Variants in LARGE1 observed in about 807,000 individuals in gnomAD.
The protein encoded by LARGE1 is LARGE xylosyl- and glucuronyltransferase 1.
Under a neutral mutation model 87.6 loss-of-function variants are expected in LARGE1, and 43 were observed. The ratio of observed to expected loss-of-function variants is 0.49; its 90% CI spans 0.38 to 0.63. The LOEUF is 0.63. Among genes scored for constraint, LARGE1 ranks in the 30% least tolerant of loss-of-function variants. The pLI is 0.00. For synonymous variants in LARGE1, 434 were observed against 394.6 expected (o/e 1.10, Z -1.18); for missense variants, 802 against 1,000.2 (o/e 0.80, Z 2.67).
intron 1 of LARGE1, among the ~76,000 whole-genome samples, chr22:33,911,671 G>T (rs1267533947): frequency 6.6e-6 from 1 of 152,170 alleles, no homozygotes; most frequent in African/African-American, 2.4e-5. Context: ...TTTACAGCAT[G>T]TCCATTCTTC....
At position 33,273,152 on chromosome 22, in the gene LARGE1, C is replaced by T. The variant is rs1361207415; in HGVS notation, c.*1275G>A. The T allele has an allele frequency of 5.7e-6, 2 of 353,718 alleles. No individual in the cohort carries two copies. Among genetic ancestry groups the T allele is most frequent in the Non-Finnish European group, 1.0e-5 (2 of 198,484 alleles). The allele number at this position is 353,718 out of a possible 1,614,324, so 21.9% of individuals were successfully genotyped here. A position where few individuals can be genotyped will look rare whatever the true frequency, so the allele number is the denominator to read the frequency against. On this transcript the variant is annotated 3_prime_UTR_variant, in exon 15 of 15. Transcript: ENST00000397394. ...CACATTGCAACTCAATACAAACAGC[C>T]CAGCAGAGGGTAGGGCATTAACTCT...
intron 6 of LARGE1, among the ~76,000 whole-genome samples, chr22:33,445,031 TGTCA>T (rs1232461001): frequency 6.6e-6 from 1 of 152,146 alleles, no homozygotes; most frequent in Non-Finnish European, 1.5e-5. Context: ...GGTTTCGCCA[TGTCA>T]GTCAGGCTGG....
At chr22:33,183,620 GCACACA>G (rs56262703) in intron 11 of LARGE1, among the ~76,000 whole-genome samples, 53 of 137,896 alleles carry the variant, frequency 3.8e-4, no homozygotes, top group Middle Eastern at 3.9e-3. Flanking sequence ...ACACACACAC[GCACACA>G]CACACACACA....
chr22:33,298,225 C>T lies in LARGE1; in HGVS notation c.1730+6004G>A, dbSNP rs1486188954. ...CTCAGCCTCGTATCTGTGTGAATCC[C>T]GATGCTAGCAATGGCACATACAGCT... On this transcript the variant is annotated intron_variant, in intron 12 of 14. Coordinates refer to ENST00000397394, the MANE Select transcript of LARGE1 (RefSeq NM_133642.5). 2.6e-5 allele frequency among the ~76,000 whole-genome samples: 4 copies of T among 152,102 alleles called. 1 individual carries two copies. Among genetic ancestry groups the T allele is most frequent in the African/African-American group, 7.2e-5 (3 of 41,388 alleles).
intron 9 of LARGE1, among the ~76,000 whole-genome samples, chr22:33,363,742 C>T (rs1433209671): frequency 6.7e-6 from 1 of 150,218 alleles, no homozygotes; most frequent in East Asian, 1.9e-4. Context: ...GTCAGCACCA[C>T]TGCTTTTGCA....
chr22:33,503,259 G>GGT (rs2070580978), intron 6 of LARGE1, among the ~76,000 whole-genome samples: 1 of 124,782 alleles, frequency 8.0e-6, no homozygotes, highest in African/African-American at 3.1e-5. Flanking sequence ...TTTTTTTTTT[G>GGT]TTTTTTTTTT....
In LARGE1 at chr22:33,373,523, C is replaced by T. The variant is rs570021899; in HGVS notation, c.1131+8396G>A. ...CTCAGAAGTTCAACTTTTGCTATAT[C>T]TTGCTGCATGTGATTTTCAGGTCAT... On this transcript the variant is annotated intron_variant, in intron 9 of 14. Coordinates refer to ENST00000397394, the MANE Select transcript of LARGE1 (RefSeq NM_133642.5). 6.6e-5 allele frequency among the ~76,000 whole-genome samples: 10 copies of T among 152,264 alleles called. No homozygotes were observed. In the South Asian group the frequency reaches 1.9e-3, roughly 28 times the overall value.
chr22:33,099,886 C>T, the LARGE1 span, among the ~76,000 whole-genome samples: 34 of 152,166 alleles, frequency 2.2e-4, no homozygotes, highest in Admixed American at 2.2e-3. Flanking sequence ...GACACAAAAT[C>T]CTCCACTGCA....
chr22:33,736,725 A>G (rs2083668662), intron 2 of LARGE1, among the ~76,000 whole-genome samples: 1 of 152,102 alleles, frequency 6.6e-6, no homozygotes, highest in Admixed American at 6.5e-5. Context: ...AGTCACAAAG[A>G]TTTACTCTTA....
intron 1 of LARGE1, among the ~76,000 whole-genome samples, chr22:33,799,202 C>T (rs1190417473): frequency 6.6e-6 from 1 of 152,038 alleles, no homozygotes; most frequent in Non-Finnish European, 1.5e-5. Flanking sequence ...GCCAAAGAAA[C>T]ACCTGCAATC....
chr22:33,571,132 G>A (rs553597354), intron 5 of LARGE1, among the ~76,000 whole-genome samples: 4 of 152,288 alleles, frequency 2.6e-5, no homozygotes, highest in African/African-American at 7.2e-5. Context: ...TAAGCAGCAT[G>A]GTCTAAACTT....
chr22:33,555,805 C>G (rs1444683903), intron 6 of LARGE1, among the ~76,000 whole-genome samples: 1 of 151,754 alleles, frequency 6.6e-6, no homozygotes, highest in Non-Finnish European at 1.5e-5. Flanking sequence ...TGGCACATTC[C>G]TGTAATCCCA....
chr22:33,559,669 T>C (rs2077796386), intron 6 of LARGE1, among the ~76,000 whole-genome samples: 1 of 152,146 alleles, frequency 6.6e-6, no homozygotes, highest in Non-Finnish European at 1.5e-5. Flanking sequence ...ACACAAACCT[T>C]CAGGCCACAG....
chr22:33,691,766 A>T (rs2082106902), intron 2 of LARGE1, among the ~76,000 whole-genome samples: 1 of 152,208 alleles, frequency 6.6e-6, no homozygotes, highest in Non-Finnish European at 1.5e-5. Flanking sequence ...AATGGGTCTC[A>T]CAGGAAGACA....
intron 5 of LARGE1, among the ~76,000 whole-genome samples, chr22:33,584,907 G>A (rs1049035245): frequency 6.6e-5 from 10 of 152,062 alleles, no homozygotes; most frequent in Admixed American, 3.3e-4. Flanking sequence ...ACTTGAGGTC[G>A]GGAGTTTGAG....
intron 7 of LARGE1, among the ~76,000 whole-genome samples, chr22:33,413,614 G>A (rs567529179): frequency 6.6e-6 from 1 of 152,140 alleles, no homozygotes; most frequent in African/African-American, 2.4e-5. Flanking sequence ...ACAGGTGTGT[G>A]CCACCATGCC....
intron 11 of LARGE1, among the ~76,000 whole-genome samples, chr22:33,237,239 A>AT (rs1306599111): frequency 6.6e-6 from 1 of 152,242 alleles, no homozygotes; most frequent in Non-Finnish European, 1.5e-5. Flanking sequence ...TTTGCCGTGC[A>AT]TAAGTGTAAG....
intron 2 of LARGE1, among the ~76,000 whole-genome samples, chr22:33,725,401 C>T (rs1207227330): frequency 1.3e-5 from 2 of 152,162 alleles, no homozygotes; most frequent in Admixed American, 1.3e-4. Flanking sequence ...TTCAAAGAGC[C>T]AGCTGCTCTG....
the LARGE1 span, among the ~76,000 whole-genome samples, chr22:33,089,314 TTTCTTCTTTCTTCTTCTTC>T: frequency 5.2e-5 from 6 of 115,680 alleles, no homozygotes; most frequent in Non-Finnish European, 1.1e-4. Flanking sequence ...CTTCTTCTTC[TTTCTTCTTTCTTCTTCTTC>T]TTCTTCTTCT....
Sources: allele counts gnomAD v4.1 joint callset (sites outside exome capture counted in the v4.1 genomes callset), GRCh38; gene constraint gnomAD v4.1.1; transcripts MANE v1.5; gene names NCBI Gene and HGNC (gene_info 2026-07-23, HGNC 2026-07-21).